DPF3: variants seen among roughly 807,000 people sequenced by gnomAD.
DPF3 encodes zinc finger protein DPF3.
DPF3 carries 18 observed loss-of-function variants against 56.8 expected under a neutral mutation model. The observed-to-expected ratio is 0.32, with a 90% CI of 0.22 to 0.47. DPF3 has a LOEUF of 0.47. DPF3 is among the 20% of genes least tolerant of loss of function. DPF3 has a pLI of 1.00. For synonymous variants in DPF3, 188 were observed against 180.2 expected (o/e 1.04, Z -0.35); for missense variants, 403 against 488.8 (o/e 0.82, Z 1.65).
intron 1 of DPF3, among the ~76,000 whole-genome samples, chr14:72,787,080 C>T (rs973378577): frequency 5.9e-5 from 9 of 152,260 alleles, no homozygotes; most frequent in African/African-American, 1.7e-4. Flanking sequence ...CCAAAACCCT[C>T]CTGTGCCCCT....
chr14:72,618,816 G>A lies in DPF3; in HGVS notation c.*481C>T, dbSNP rs1241665640. On this transcript the variant is annotated 3_prime_UTR_variant, in exon 11 of 11. Transcript: ENST00000556509. ...GTTTCCAGTGAGGCTTGCCATAAAC[G>A]ACAACTTCTCCACAGCCCTTTGTTC... 6.6e-6 allele frequency among the ~76,000 whole-genome samples: 1 copy of A among 152,176 alleles called. No homozygotes were observed. Among genetic ancestry groups the A allele is most frequent in the Non-Finnish European group, 1.5e-5 (1 of 68,036 alleles).
At chr14:72,785,388 C>G (rs1242669867) in intron 1 of DPF3, among the ~76,000 whole-genome samples, 1 of 152,184 alleles carries the variant, frequency 6.6e-6, no homozygotes, top group South Asian at 2.1e-4. Flanking sequence ...AACTGAGGCA[C>G]AGAGAGTCTT....
At chr14:72,784,139 T>C (rs985187771) in intron 1 of DPF3, among the ~76,000 whole-genome samples, 2 of 152,062 alleles carry the variant, frequency 1.3e-5, no homozygotes, top group Non-Finnish European at 2.9e-5. Flanking sequence ...CTGAGTCTCA[T>C]TTCACCCGCC....
intron 9 of DPF3, among the ~76,000 whole-genome samples, 186 bp from the exon 10 acceptor site, chr14:72,620,170 C>T (rs1884339941): frequency 6.6e-6 from 1 of 152,132 alleles, no homozygotes; most frequent in Non-Finnish European, 1.5e-5. Flanking sequence ...GAGTTTCCCC[C>T]TCTACCTCCC....
intron 2 of DPF3, among the ~76,000 whole-genome samples, chr14:72,755,550 C>G (rs566597568): frequency 6.6e-6 from 1 of 152,264 alleles, no homozygotes; most frequent in South Asian, 2.1e-4. Flanking sequence ...ACATTAATAC[C>G]TACCTCCTGG....
chr14:72,636,139 A>T (rs1241631902), intron 8 of DPF3, among the ~76,000 whole-genome samples: 41 of 152,240 alleles, frequency 2.7e-4, no homozygotes. Context: ...CATAAAATAC[A>T]TAGAATCAAT....
chr14:72,793,208 G>A (rs1323107718), intron 1 of DPF3, among the ~76,000 whole-genome samples: 1 of 152,206 alleles, frequency 6.6e-6, no homozygotes. Flanking sequence ...TGGAAAGAAA[G>A]GAAACCAAAA....
chr14:72,725,595 C>A (rs745604112), intron 4 of DPF3, among the ~76,000 whole-genome samples: 2 of 152,068 alleles, frequency 1.3e-5, no homozygotes, highest in African/African-American at 4.8e-5. Context: ...GGAACAAGTA[C>A]CATACTACAC....
intron 1 of DPF3, among the ~76,000 whole-genome samples, chr14:72,874,285 TG>T (rs1886023094): frequency 6.6e-6 from 1 of 151,848 alleles, no homozygotes; most frequent in Non-Finnish European, 1.5e-5. Context: ...AAGACCAGCC[TG>T]GCCAACATAG....
At chr14:72,728,376 A>G in intron 4 of DPF3, among the ~76,000 whole-genome samples, 1 of 152,180 alleles carries the variant, frequency 6.6e-6, no homozygotes, top group East Asian at 1.9e-4. Context: ...GAGATGGAAG[A>G]AAAGGCATGC....
rs1216391370 is a variant in DPF3 at position 72,616,031 on chromosome 14, G to C, written c.*3266C>G. ...AACCACATCATTATCTCCATTTGGTGGCCTCTGCAGAAAATGACAATAGCT... is the reference window on the plus strand; with the variant it reads ...AACCACATCATTATCTCCATTTGGTCGCCTCTGCAGAAAATGACAATAGCT... On this transcript the variant is annotated 3_prime_UTR_variant, in exon 11 of 11. Transcript: ENST00000556509. 6.6e-6 allele frequency among the ~76,000 whole-genome samples: 1 copy of C among 152,154 alleles called. No homozygotes were observed. Among genetic ancestry groups the C allele is most frequent in the Non-Finnish European group, 1.5e-5 (1 of 68,038 alleles).
At chr14:72,877,856 A>C (rs1223310095) in intron 1 of DPF3, among the ~76,000 whole-genome samples, 1 of 152,234 alleles carries the variant, frequency 6.6e-6, no homozygotes, top group African/African-American at 2.4e-5. Flanking sequence ...TAATTAGATA[A>C]AATGAGGACA....
chr14:72,773,047 A>G lies in DPF3; in HGVS notation c.33-1154T>C, dbSNP rs1005469388. On this transcript the variant is annotated intron_variant, in intron 1 of 10. Transcript: ENST00000556509. ...ATGTAGATTTCAGAAAGCCAAAATG[A>G]GAGGGGAAGTCTCTAAAAATATCAT... is the stretch of plus-strand genomic sequence containing the variant. Among the ~76,000 whole-genome samples the G allele has an allele frequency of 1.2e-4, 18 of 152,184 alleles. 1 individual carries two copies. The highest frequency in any genetic ancestry group is 4.3e-4 in the African/African-American group (18 of 41,514).
intron 8 of DPF3, among the ~76,000 whole-genome samples, chr14:72,656,333 T>C (rs1195716995): frequency 2.0e-5 from 3 of 152,334 alleles, no homozygotes; most frequent in African/African-American, 7.2e-5. Context: ...TTGGTTATCA[T>C]GCTTTCTTAA....
rs996875973 is a variant in DPF3, at chr14:72,610,808, C to A, written c.*8489G>T. On this transcript the variant is annotated 3_prime_UTR_variant, in exon 11 of 11. Coordinates refer to ENST00000556509, the MANE Select transcript of DPF3 (RefSeq NM_001280542.3). ...GCTGGGGACCTGAGGGCTCAGGGCCCACCACTGGCTGCCTGGGGGAAGTGC... is the reference window on the plus strand; with the variant it reads ...GCTGGGGACCTGAGGGCTCAGGGCCAACCACTGGCTGCCTGGGGGAAGTGC... Among the ~76,000 whole-genome samples, 1 of 152,176 alleles carries A rather than the reference C, an allele frequency of 6.6e-6. No individual in the cohort carries two copies. The highest frequency in any genetic ancestry group is 1.5e-5 in the Non-Finnish European group (1 of 68,020).
intron 1 of DPF3, among the ~76,000 whole-genome samples, chr14:72,802,257 G>C (rs1392708257): frequency 6.6e-6 from 1 of 152,156 alleles, no homozygotes; most frequent in Non-Finnish European, 1.5e-5. Flanking sequence ...AGCGAGTGCA[G>C]AGTCATGGCG....
chr14:72,626,066 T>C (rs1681631071), intron 9 of DPF3, among the ~76,000 whole-genome samples: 1 of 152,236 alleles, frequency 6.6e-6, no homozygotes, highest in Admixed American at 6.5e-5. Flanking sequence ...TTCCTCACTC[T>C]TCGGTATAGT....
chr14:72,892,106 C>T, intron 1 of DPF3: 1 of 1,505,538 alleles, frequency 6.6e-7, no homozygotes, highest in African/African-American at 1.4e-5. Flanking sequence ...AAAGCGGGCT[C>T]CCGGGTAACT....
At chr14:72,778,622 A>G (rs980219394) in intron 1 of DPF3, among the ~76,000 whole-genome samples, 2 of 152,226 alleles carry the variant, frequency 1.3e-5, no homozygotes, top group Non-Finnish European at 2.9e-5. Flanking sequence ...GTCGGTGGAA[A>G]AATGATCTTC....
Sources: gnomAD v4.1 joint callset for allele counts (sites outside exome capture counted in the v4.1 genomes callset) on GRCh38, gnomAD v4.1.1 for gene constraint, MANE v1.5 for transcripts, NCBI Gene and HGNC (gene_info 2026-07-23, HGNC 2026-07-21) for gene names.